Variants in IL21R observed in about 807,000 individuals in gnomAD.
IL21R encodes the protein interleukin-21 receptor.
Under a neutral mutation model 41.3 loss-of-function variants are expected in IL21R, and 14 were observed. The observed-to-expected ratio is 0.34, with a 90% CI of 0.22 to 0.53. The LOEUF (loss-of-function observed/expected upper bound fraction) is 0.53, where lower values mean the gene tolerates loss of function less well. Ranked by LOEUF, IL21R falls within the 20% of genes least tolerant of loss-of-function variation. The pLI, the probability that IL21R is intolerant of heterozygous loss-of-function variation, is 0.94. For synonymous variants in IL21R, 286 were observed against 287.6 expected (o/e 0.99, Z 0.05); for missense variants, 588 against 681.6 (o/e 0.86, Z 1.53).
At chr16:27,418,650 A>C (rs140901978) in intron 1 of IL21R, among the ~76,000 whole-genome samples, 4 of 152,050 alleles carry the variant, frequency 2.6e-5, no homozygotes, top group Non-Finnish European at 5.9e-5. Flanking sequence ...GATTACAGGC[A>C]TGAGCCGCTG....
At chr16:27,403,957 C>G (rs2086701094) in intron 1 of IL21R, among the ~76,000 whole-genome samples, 2 of 152,202 alleles carry the variant, frequency 1.3e-5, no homozygotes, top group South Asian at 4.1e-4. Flanking sequence ...CAACCTTGCC[C>G]CAGGTTAACT....
At chr16:27,406,920 C>G (rs1400114650) in intron 1 of IL21R, among the ~76,000 whole-genome samples, 1 of 152,300 alleles carries the variant, frequency 6.6e-6, no homozygotes, top group East Asian at 1.9e-4. Flanking sequence ...CCTGAGAACC[C>G]ACTGAGATGA....
In IL21R at chr16:27,449,460, G is replaced by GTT; in HGVS notation, c.*178_*179insTT. 2.1e-6 allele frequency: 1 copy of GTT among 473,022 alleles called. No homozygotes were observed. Among genetic ancestry groups the GTT allele is most frequent in the Non-Finnish European group, 3.7e-6 (1 of 271,322 alleles). 29.3% of individuals were successfully genotyped at this position (473,022 alleles called of 1,614,324 possible). A position where few individuals can be genotyped will look rare whatever the true frequency, so the allele number is the denominator to read the frequency against. ...CATATGTGTGTGTGTGCATATGCAT[G>GTT]TGTGTGTGTGTGTGTGTCTTAGGTG... On this transcript the variant is annotated 3_prime_UTR_variant, in exon 9 of 9. Transcript: ENST00000337929.
At chr16:27,423,019 A>G (rs2141275307) in intron 1 of IL21R, among the ~76,000 whole-genome samples, 1 of 152,152 alleles carries the variant, frequency 6.6e-6, no homozygotes, top group African/African-American at 2.4e-5. Context: ...TTTTTTTGCC[A>G]GGCCCTGAAC....
intron 4 of IL21R, among the ~76,000 whole-genome samples, chr16:27,440,530 C>T (rs1446221866): frequency 6.6e-6 from 1 of 152,108 alleles, no homozygotes; most frequent in Non-Finnish European, 1.5e-5. Flanking sequence ...ACCTCAGCCT[C>T]CCAAAGTGCT....
At chr16:27,417,492 G>A (rs2086908990) in intron 1 of IL21R, among the ~76,000 whole-genome samples, 1 of 152,142 alleles carries the variant, frequency 6.6e-6, no homozygotes, top group African/African-American at 2.4e-5. Context: ...ATAACTAGGT[G>A]TGAAATTTCT....
intron 4 of IL21R, among the ~76,000 whole-genome samples, chr16:27,442,420 G>A (rs1000704317): frequency 1.3e-5 from 2 of 152,152 alleles, no homozygotes; most frequent in African/African-American, 4.8e-5. Flanking sequence ...CTGGAGTGCA[G>A]TGGCGCAATC....
intron 1 of IL21R, among the ~76,000 whole-genome samples, chr16:27,406,525 A>G (rs887689261): frequency 6.6e-5 from 10 of 152,050 alleles, no homozygotes; most frequent in African/African-American, 2.4e-4. Flanking sequence ...CTGCCTGGCT[A>G]GGAGAGAGAG....
chr16:27,428,355 G>A (rs1293867615), intron 1 of IL21R, among the ~76,000 whole-genome samples: 2 of 152,246 alleles, frequency 1.3e-5, no homozygotes, highest in African/African-American at 4.8e-5. Flanking sequence ...GGAGGTCAGA[G>A]GGAACTATGG....
chr16:27,450,564 T>C lies in IL21R; in HGVS notation c.*1281T>C, dbSNP rs1348244220. 1 of 224,244 alleles carries C rather than the reference T, an allele frequency of 4.5e-6. No homozygotes were observed. Among genetic ancestry groups the C allele is most frequent in the Non-Finnish European group, 8.9e-6 (1 of 112,662 alleles). 13.9% of individuals were successfully genotyped at this position (224,244 alleles called of 1,614,324 possible). ...ATTAAGAAGCTAAGAAAATATTTCT[T>C]AGCAACATTTTCTTTTTCTTTTTTT... is the stretch of plus-strand genomic sequence containing the variant. On this transcript the variant is annotated 3_prime_UTR_variant, in exon 9 of 9. Coordinates refer to ENST00000337929, the MANE Select transcript of IL21R (RefSeq NM_181078.3).
At position 27,451,135 on chromosome 16, in the gene IL21R, C is replaced by G. The variant is rs1057265476; in HGVS notation, c.*1852C>G. Reference sequence around the variant, plus strand: ...GGAGCAGGCGCAGCCCTCAACACCCCGTGCACCTGCACCCTAGGGACTCTT... The same window carrying G: ...GGAGCAGGCGCAGCCCTCAACACCCGGTGCACCTGCACCCTAGGGACTCTT... On this transcript the variant is annotated 3_prime_UTR_variant, in exon 9 of 9. Coordinates refer to ENST00000337929, the MANE Select transcript of IL21R (RefSeq NM_181078.3). 1 of 232,702 alleles carries G rather than the reference C, an allele frequency of 4.3e-6. No individual in the cohort carries two copies. The highest frequency in any genetic ancestry group is 2.2e-5 in the African/African-American group (1 of 45,304). The allele number at this position is 232,702 out of a possible 1,614,324, so 14.4% of individuals were successfully genotyped here.
chr16:27,421,179 T>C (rs1275302281), intron 1 of IL21R, among the ~76,000 whole-genome samples: 1 of 152,184 alleles, frequency 6.6e-6, no homozygotes, highest in Non-Finnish European at 1.5e-5. Flanking sequence ...TGTACATCTA[T>C]GTGTCAGTAC....
intron 1 of IL21R, chr16:27,403,028 C>A: frequency 4.5e-6 from 2 of 446,770 alleles, no homozygotes; most frequent in South Asian, 3.6e-5. Context: ...TGTCTTACCA[C>A]CTTGATTCCA....
In IL21R at chr16:27,434,039, G is replaced by C. The variant is rs3093322; in HGVS notation, c.50-308G>C. On this transcript the variant is annotated intron_variant, in intron 2 of 8. Transcript: ENST00000337929. ...GCTTGGCCAGGAGGGACACAGACCT[G>C]GTGGCCGGGCGCAGGGCTCTGGAGG... 0.23 allele frequency among the ~76,000 whole-genome samples: 35,318 copies of C among 152,104 alleles called. 5,458 individuals carry two copies. The highest frequency in any genetic ancestry group is 0.55 in the South Asian group (2,631 of 4,804).
intron 1 of IL21R, among the ~76,000 whole-genome samples, chr16:27,418,896 T>C (rs1030157544): frequency 5.6e-5 from 6 of 106,612 alleles, no homozygotes; most frequent in Admixed American, 1.1e-4. Context: ...TTTATTTTTT[T>C]ACTTAAAAAA....
At chr16:27,421,894 A>T (rs892471857) in intron 1 of IL21R, among the ~76,000 whole-genome samples, 1 of 152,114 alleles carries the variant, frequency 6.6e-6, no homozygotes, top group African/African-American at 2.4e-5. Flanking sequence ...ACCTCTAGTA[A>T]AATGTTTTAT....
At chr16:27,435,610 T>A (rs1403153277) in intron 3 of IL21R, among the ~76,000 whole-genome samples, 1 of 151,610 alleles carries the variant, frequency 6.6e-6, no homozygotes, top group South Asian at 2.1e-4. Context: ...TGCATCACCA[T>A]ACCTGGATAA....
chr16:27,435,756 A>C (rs1205028186), intron 3 of IL21R, among the ~76,000 whole-genome samples: 3 of 149,894 alleles, frequency 2.0e-5, no homozygotes, highest in African/African-American at 2.5e-5. Context: ...GCCAGGCCCA[A>C]ACAGGACACT....
chr16:27,416,157 C>T (rs959851601), intron 1 of IL21R, among the ~76,000 whole-genome samples: 4 of 152,096 alleles, frequency 2.6e-5, no homozygotes, highest in African/African-American at 9.7e-5. Context: ...CAGAGTCTCA[C>T]TTTCTCACCC....
Sources: allele counts gnomAD v4.1 joint callset (sites outside exome capture counted in the v4.1 genomes callset), GRCh38; gene constraint gnomAD v4.1.1; transcripts MANE v1.5; gene names NCBI Gene and HGNC (gene_info 2026-07-23, HGNC 2026-07-21).